ZMYM2: variants seen among roughly 807,000 people sequenced by gnomAD.
The protein encoded by ZMYM2 is zinc finger MYM-type protein 2.
A neutral mutation model predicts 162.8 loss-of-function variants in ZMYM2; 56 were observed. The ratio of observed to expected loss-of-function variants is 0.34; its 90% CI spans 0.28 to 0.43. The LOEUF is 0.43. ZMYM2 is among the 20% of genes least tolerant of loss of function. The pLI is 1.00. For synonymous variants in ZMYM2, 510 were observed against 541.6 expected, an observed-to-expected ratio of 0.94 and a Z score of 0.81; for missense variants, 1,275 against 1,621.8, an observed-to-expected ratio of 0.79 and a Z score of 3.67.
At chr13:19,873,455 C>CTGGAGTGCAG in the ZMYM2 span, among the ~76,000 whole-genome samples, 1 of 151,862 alleles carries the variant, frequency 6.6e-6, no homozygotes, top group Non-Finnish European at 1.5e-5. Context: ...GTCGCCCAGG[C>CTGGAGTGCAG]TGGAGTGCAG....
intron 11 of ZMYM2, 43 bp from the exon 12 acceptor site, chr13:20,036,694 C>A: frequency 7.1e-7 from 1 of 1,405,720 alleles, no homozygotes; most frequent in South Asian, 1.7e-5. Flanking sequence ...AATTAGTTTT[C>A]ATGTGTTTTT....
intron 2 of ZMYM2, among the ~76,000 whole-genome samples, chr13:19,968,031 G>T (rs1051137739): frequency 6.6e-6 from 1 of 151,966 alleles, no homozygotes; most frequent in Non-Finnish European, 1.5e-5. Flanking sequence ...TTTTTCTAAC[G>T]ATTTCTTCTT....
chr13:20,005,329 T>C (rs991590825), intron 5 of ZMYM2, 90 bp downstream of exon 5: 7 of 974,098 alleles, frequency 7.2e-6, no homozygotes, highest in Admixed American at 3.4e-5. Context: ...TTTTATCAGT[T>C]CCTTAAAAAT....
At chr13:20,009,898 G>A (rs2140029901) in intron 6 of ZMYM2, among the ~76,000 whole-genome samples, 1 of 152,256 alleles carries the variant, frequency 6.6e-6, no homozygotes, top group South Asian at 2.1e-4. Flanking sequence ...TTTGATATAA[G>A]TATCCTGGTT....
chr13:19,897,522 T>C, the ZMYM2 span, among the ~76,000 whole-genome samples: 1 of 150,946 alleles, frequency 6.6e-6, no homozygotes, highest in Non-Finnish European at 1.5e-5. Context: ...CGCCGTGGCC[T>C]ATGGTCAGGG....
At chr13:20,016,778 CTT>C (rs1332055797) in intron 6 of ZMYM2, among the ~76,000 whole-genome samples, 2 of 152,070 alleles carry the variant, frequency 1.3e-5, no homozygotes, top group African/African-American at 4.8e-5. Context: ...TTTTCTTTGT[CTT>C]TTAACGGTTT....
chr13:19,974,043 A>G (rs1412213645), intron 2 of ZMYM2, among the ~76,000 whole-genome samples: 1 of 152,208 alleles, frequency 6.6e-6, no homozygotes, highest in Non-Finnish European at 1.5e-5. Flanking sequence ...TAATGTAAAA[A>G]TGTTTAGTTT....
At position 19,982,169 on chromosome 13, in the gene ZMYM2, T is replaced by A. The variant is rs527564610; in HGVS notation, c.-10-10894T>A. The stretch of plus-strand genomic sequence containing the variant: ...GTGCCTTAAATCTTCCTGTCCAAAG[T>A]CAATCTTTTACTTTCTCCAAAGATT... On this transcript the variant is annotated intron_variant, in intron 2 of 24. Coordinates refer to ENST00000610343, the MANE Select transcript of ZMYM2 (RefSeq NM_197968.4). Among the ~76,000 whole-genome samples the A allele has an allele frequency of 3.3e-5, 5 of 152,180 alleles. No individual in the cohort carries two copies. The South Asian group carries it at 1.0e-3, about 32-fold the overall frequency.
At chr13:20,031,548 C>A in intron 10 of ZMYM2, 113 bp downstream of exon 10, 1 of 697,906 alleles carries the variant, frequency 1.4e-6, no homozygotes, top group Non-Finnish European at 2.2e-6. Context: ...ATATGCTTTT[C>A]AGATTTTTTT....
chr13:19,874,034 G>C, the ZMYM2 span, among the ~76,000 whole-genome samples: 21 of 152,112 alleles, frequency 1.4e-4, no homozygotes, highest in African/African-American at 4.8e-4. Flanking sequence ...TTTGGGTGGA[G>C]AGTGGGTGGA....
chr13:19,925,757 G>C, the ZMYM2 span, among the ~76,000 whole-genome samples: 174 of 151,182 alleles, frequency 1.2e-3, no homozygotes, highest in African/African-American at 4.0e-3. Context: ...TGTATTCCCA[G>C]TTACTCGGGA....
chr13:20,074,255 A>G (rs61952385), intron 21 of ZMYM2, among the ~76,000 whole-genome samples: 3 of 151,258 alleles, frequency 2.0e-5, no homozygotes, highest in Non-Finnish European at 4.4e-5. Flanking sequence ...ACAGAGAGAC[A>G]GGGTCTCACT....
intron 7 of ZMYM2, chr13:20,025,639 C>T (rs2140242905): frequency 6.5e-6 from 1 of 152,890 alleles, no homozygotes; most frequent in East Asian, 1.9e-4. Flanking sequence ...TTCTTTATCT[C>T]CTTTTGTTGT....
chr13:19,910,849 T>C, the ZMYM2 span, among the ~76,000 whole-genome samples: 1 of 152,092 alleles, frequency 6.6e-6, no homozygotes, highest in African/African-American at 2.4e-5. Flanking sequence ...AGAGTCAAAG[T>C]GGCAATCCAA....
the ZMYM2 span, among the ~76,000 whole-genome samples, chr13:19,910,774 C>T: frequency 6.6e-6 from 1 of 152,124 alleles, no homozygotes; most frequent in Non-Finnish European, 1.5e-5. Context: ...AACCTAAATA[C>T]AATGAGAATA....
the ZMYM2 span, among the ~76,000 whole-genome samples, chr13:19,887,390 G>A: frequency 6.6e-5 from 10 of 151,566 alleles, no homozygotes; most frequent in South Asian, 2.1e-4. Context: ...TTAGCTGGGC[G>A]TGGTGGCGGG....
chr13:20,046,155 G>A (rs575126133), intron 12 of ZMYM2, among the ~76,000 whole-genome samples: 9 of 152,000 alleles, frequency 5.9e-5, no homozygotes, highest in Admixed American at 5.9e-4. Flanking sequence ...AGCAGGCTGA[G>A]GCAAGAGAAT....
intron 17 of ZMYM2, among the ~76,000 whole-genome samples, chr13:20,062,590 T>C (rs1298305183): frequency 2.6e-5 from 4 of 152,228 alleles, no homozygotes; most frequent in African/African-American, 9.6e-5. Context: ...AAAGCATACC[T>C]ATTAGCTTTT....
At chr13:19,960,844 C>A (rs1414335498) in intron 2 of ZMYM2, among the ~76,000 whole-genome samples, 1 of 152,166 alleles carries the variant, frequency 6.6e-6, no homozygotes, top group Admixed American at 6.5e-5. Flanking sequence ...AGCCCATTGA[C>A]AGTTGATGTG....
Sources: allele counts gnomAD v4.1 joint callset (sites outside exome capture counted in the v4.1 genomes callset), GRCh38; gene constraint gnomAD v4.1.1; transcripts MANE v1.5; gene names NCBI Gene and HGNC (gene_info 2026-07-23, HGNC 2026-07-21).